HIVEP3: variants seen among roughly 807,000 people sequenced by gnomAD.
HIVEP3 encodes transcription factor HIVEP3.
Under a neutral mutation model 152.8 loss-of-function variants are expected in HIVEP3, and 49 were observed. That is an observed-to-expected ratio of 0.32 (90% confidence interval 0.26 to 0.41). The LOEUF (loss-of-function observed/expected upper bound fraction) is 0.41, where lower values mean the gene tolerates loss of function less well. Ranked by LOEUF, HIVEP3 falls within the 10% of genes least tolerant of loss-of-function variation. The pLI is 1.00. For missense variants in HIVEP3, 2,790 were observed against 3,103.3 expected (o/e 0.90, Z 2.40); for synonymous variants, 1,269 against 1,289.0 (o/e 0.98, Z 0.33).
chr1:41,529,409 CCACACCCTCACA>C (rs1313703694), intron 5 of HIVEP3, among the ~76,000 whole-genome samples: 1 of 142,428 alleles, frequency 7.0e-6, no homozygotes, highest in South Asian at 2.4e-4. Context: ...TGCTCATACC[CCACACCCTCACA>C]CACACCCTCA....
At chr1:41,996,485 G>A (rs1645396777) in intron 1 of HIVEP3, among the ~76,000 whole-genome samples, 2 of 152,076 alleles carry the variant, frequency 1.3e-5, no homozygotes, top group African/African-American at 4.8e-5. Flanking sequence ...TGATATATCT[G>A]ACACCTGGGC....
At chr1:41,988,607 C>T (rs1212434357) in intron 1 of HIVEP3, among the ~76,000 whole-genome samples, 2 of 152,166 alleles carry the variant, frequency 1.3e-5, no homozygotes, top group African/African-American at 4.8e-5. Context: ...TCTTTCTACA[C>T]TACTGATGGG....
intron 1 of HIVEP3, among the ~76,000 whole-genome samples, chr1:41,707,696 C>T (rs1366490249): frequency 6.6e-6 from 1 of 152,236 alleles, no homozygotes; most frequent in Non-Finnish European, 1.5e-5. Flanking sequence ...TGCTCTGCTA[C>T]TTATTAGCTG....
At chr1:41,968,979 A>C (rs967794225) in intron 1 of HIVEP3, among the ~76,000 whole-genome samples, 1 of 152,200 alleles carries the variant, frequency 6.6e-6, no homozygotes, top group Non-Finnish European at 1.5e-5. Flanking sequence ...AGAGAATAAA[A>C]TATGTAGGAT....
intron 3 of HIVEP3, among the ~76,000 whole-genome samples, chr1:41,622,774 A>G (rs886802597): frequency 6.6e-6 from 1 of 152,210 alleles, no homozygotes; most frequent in African/African-American, 2.4e-5. Context: ...TGGAGCAGGC[A>G]AGCCAGGGGA....
At chr1:41,984,726 G>C (rs1313316643) in intron 1 of HIVEP3, among the ~76,000 whole-genome samples, 5 of 152,158 alleles carry the variant, frequency 3.3e-5, no homozygotes, top group Non-Finnish European at 5.9e-5. Flanking sequence ...GATAACAGGG[G>C]GAAGGGCTAC....
intron 1 of HIVEP3, among the ~76,000 whole-genome samples, chr1:41,888,384 G>C (rs942072047): frequency 2.0e-5 from 3 of 151,812 alleles, no homozygotes; most frequent in Admixed American, 6.6e-5. Context: ...TCTTTACTAA[G>C]ACATATCTAA....
intron 1 of HIVEP3, among the ~76,000 whole-genome samples, chr1:41,730,209 G>C (rs1450184432): frequency 2.6e-5 from 4 of 152,230 alleles, no homozygotes; most frequent in Non-Finnish European, 4.4e-5. Flanking sequence ...GGCTCTAGGA[G>C]CTGACATGAT....
chr1:41,541,161 G>A (rs902091443), intron 5 of HIVEP3, among the ~76,000 whole-genome samples: 1 of 152,152 alleles, frequency 6.6e-6, no homozygotes. Flanking sequence ...GCAAGCACCC[G>A]CCCATGGAGG....
chr1:42,016,850 T>C (rs1645525956), intron 1 of HIVEP3, among the ~76,000 whole-genome samples: 1 of 152,166 alleles, frequency 6.6e-6, no homozygotes, highest in Admixed American at 6.5e-5. Flanking sequence ...AGTTTCGATA[T>C]TATAAAAATG....
intron 1 of HIVEP3, among the ~76,000 whole-genome samples, chr1:41,787,650 C>T (rs535106198): frequency 2.0e-5 from 3 of 151,064 alleles, no homozygotes; most frequent in Admixed American, 1.3e-4. Flanking sequence ...CCTCCCAAAT[C>T]GCTGGGACTA....
intron 5 of HIVEP3, among the ~76,000 whole-genome samples, chr1:41,545,603 C>CACT (rs1643763617): frequency 6.9e-6 from 1 of 144,378 alleles, no homozygotes; most frequent in Admixed American, 6.8e-5. Flanking sequence ...CCACCACCAC[C>CACT]ACCATCACCA....
chr1:41,597,638 T>A (rs1384610733), intron 3 of HIVEP3, among the ~76,000 whole-genome samples: 1 of 152,182 alleles, frequency 6.6e-6, no homozygotes, highest in Admixed American at 6.5e-5. Flanking sequence ...ACTCCTGCAG[T>A]GGTGACCCTC....
Position 41,580,498 on chromosome 1 carries a change from G to A in HIVEP3, c.4300C>T (p.Pro1434Ser). 4.3e-6 allele frequency: 7 copies of A among 1,614,188 alleles called. No homozygotes were observed. Among genetic ancestry groups the A allele is most frequent in the Non-Finnish European group, 5.9e-6 (7 of 1,180,050 alleles). Residue 1434 changes from proline to serine, a missense_variant, in exon 4 of 9, where the codon CCA becomes TCA. Physicochemically the swap from Pro to Ser is moderately conservative, Grantham distance 74 (BLOSUM62 -1). Transcript: ENST00000372583. ...ATGGTAAGTTCAAGGCTGCCAGCTGGTGAAAGGACACGTTTGCTTCCCCCT... is the reference window on the plus strand; with the variant it reads ...ATGGTAAGTTCAAGGCTGCCAGCTGATGAAAGGACACGTTTGCTTCCCCCT... ...TAGGSKRVLS[P>S]AGSLELTMET... is the part of the protein sequence containing the mutation.
At chr1:42,032,167 C>T (rs1645616715) in intron 1 of HIVEP3, among the ~76,000 whole-genome samples, 1 of 152,222 alleles carries the variant, frequency 6.6e-6, no homozygotes, top group African/African-American at 2.4e-5. Flanking sequence ...CAACTCCAAA[C>T]AGTCACACCC....
intron 1 of HIVEP3, among the ~76,000 whole-genome samples, chr1:41,897,999 A>T (rs1001060679): frequency 1.4e-5 from 2 of 145,580 alleles, no homozygotes; most frequent in Non-Finnish European, 3.0e-5. Context: ...GAGAAGGAGG[A>T]CCCAGGGTGG....
rs148604357 is a variant in HIVEP3, at chr1:41,949,561, T to G, written n.120-31037A>C. Among the ~76,000 whole-genome samples the G allele has an allele frequency of 3.9e-5, 6 of 152,032 alleles. No homozygotes were observed. In the East Asian group the frequency reaches 1.2e-3, roughly 29 times the overall value. ...AATCCAGAATCGTCACCGAGAAAGT[T>G]AAAGAAATTCGAGATTGCATACAAC... On this transcript the variant is annotated intron_variant and non_coding_transcript_variant, in intron 1 of 3. Transcript: ENST00000489103.
intron 1 of HIVEP3, among the ~76,000 whole-genome samples, chr1:41,905,452 T>C (rs947555097): frequency 6.6e-6 from 1 of 152,198 alleles, no homozygotes; most frequent in African/African-American, 2.4e-5. Flanking sequence ...ATCTGACGTG[T>C]GCATTCCAGA....
chr1:41,517,187 T>A (rs1288305261), intron 7 of HIVEP3, among the ~76,000 whole-genome samples: 1 of 152,212 alleles, frequency 6.6e-6, no homozygotes, highest in Non-Finnish European at 1.5e-5. Context: ...TGGCTTAGGT[T>A]CAGGCTCCCC....
Sources: allele counts gnomAD v4.1 joint callset (sites outside exome capture counted in the v4.1 genomes callset), GRCh38; gene constraint gnomAD v4.1.1; transcripts MANE v1.5; gene names NCBI Gene and HGNC (gene_info 2026-07-23, HGNC 2026-07-21).